GREM2: variants seen among roughly 807,000 people sequenced by gnomAD.
GREM2 encodes gremlin 2, DAN family BMP antagonist.
A neutral mutation model predicts 14.2 loss-of-function variants in GREM2; 11 were observed. The observed-to-expected ratio is 0.78, with a 90% CI of 0.49 to 1.28. The LOEUF is 1.28. Among genes scored for constraint, GREM2 ranks in the 50% most tolerant of loss-of-function variants. The pLI is 0.00. For missense variants in GREM2, 210 were observed against 218.5 expected (o/e 0.96, Z 0.24); for synonymous variants, 98 against 97.6 (o/e 1.00, Z -0.02).
intron 1 of GREM2, among the ~76,000 whole-genome samples, chr1:240,539,432 C>A (rs1678541343): frequency 6.6e-6 from 1 of 152,108 alleles, no homozygotes; most frequent in African/African-American, 2.4e-5. Context: ...GAGAGGGGAG[C>A]CACACATCTC....
chr1:240,593,796 C>T (rs1037231169), intron 1 of GREM2, among the ~76,000 whole-genome samples: 1 of 152,026 alleles, frequency 6.6e-6, no homozygotes, highest in African/African-American at 2.4e-5. Context: ...CCTAAAAGGG[C>T]TGACACGACC....
intron 1 of GREM2, among the ~76,000 whole-genome samples, chr1:240,547,513 AAAT>A (rs1454645061): frequency 0.015 from 1,381 of 90,632 alleles, 9 homozygotes; most frequent in East Asian, 0.047. Flanking sequence ...AAAAAAAAAA[AAAT>A]ATATATATAT....
In GREM2 at chr1:240,538,347, T is replaced by A. The variant is rs895311993; in HGVS notation, c.-1-44871A>T. On this transcript the variant is annotated intron_variant, in intron 1 of 1. Coordinates refer to ENST00000318160, the MANE Select transcript of GREM2 (RefSeq NM_022469.4). ...CCTTTCAGTAACCTGGGAAAAGGTT[T>A]AAAACACCATGGAATCATCCAGTGA... is the stretch of plus-strand genomic sequence containing the variant. Among the ~76,000 whole-genome samples the A allele has an allele frequency of 6.6e-5, 10 of 152,158 alleles. No individual in the cohort carries two copies. In the East Asian group the frequency reaches 1.7e-3, roughly 26 times the overall value.
At chr1:240,534,699 A>C (rs4323704) in intron 1 of GREM2, among the ~76,000 whole-genome samples, 2 of 82,040 alleles carry the variant, frequency 2.4e-5, no homozygotes, top group South Asian at 3.4e-4. Context: ...TCTCAAAAAA[A>C]AAAAAAAAAA....
At chr1:240,568,871 G>A (rs930712713) in intron 1 of GREM2, among the ~76,000 whole-genome samples, 4 of 151,954 alleles carry the variant, frequency 2.6e-5, no homozygotes, top group African/African-American at 9.7e-5. Flanking sequence ...CATATACTAG[G>A]AACAAACATT....
intron 1 of GREM2, among the ~76,000 whole-genome samples, chr1:240,608,861 G>A (rs1188031576): frequency 2.6e-5 from 4 of 152,110 alleles, no homozygotes; most frequent in Admixed American, 6.5e-5. Context: ...GCCATTTGGC[G>A]ACCGGAGTCT....
chr1:240,522,663 G>A (rs1200252253), intron 1 of GREM2, among the ~76,000 whole-genome samples: 2 of 152,108 alleles, frequency 1.3e-5, no homozygotes, highest in African/African-American at 4.8e-5. Context: ...AGTAATTTAG[G>A]TGACAATTTT....
At chr1:240,587,369 T>C (rs1355381791) in intron 1 of GREM2, among the ~76,000 whole-genome samples, 1 of 152,038 alleles carries the variant, frequency 6.6e-6, no homozygotes, top group Non-Finnish European at 1.5e-5. Context: ...TCACCCAGGC[T>C]GGAGGGCAGT....
intron 1 of GREM2, among the ~76,000 whole-genome samples, chr1:240,522,552 G>T (rs1271250285): frequency 6.6e-6 from 1 of 152,160 alleles, no homozygotes; most frequent in Non-Finnish European, 1.5e-5. Context: ...GAACGTCATT[G>T]TTGTCAGGAG....
intron 1 of GREM2, among the ~76,000 whole-genome samples, chr1:240,532,686 T>TAG (rs1348019121): frequency 7.8e-5 from 6 of 76,444 alleles, no homozygotes; most frequent in African/African-American, 1.1e-4. Context: ...GATAGATAGA[T>TAG]ATATGGCAAG....
chr1:240,605,564 T>A (rs1277777519), intron 1 of GREM2, among the ~76,000 whole-genome samples: 1 of 152,132 alleles, frequency 6.6e-6, no homozygotes, highest in East Asian at 1.9e-4. Context: ...ATCTAACCTC[T>A]GAAAACCACA....
intron 1 of GREM2, among the ~76,000 whole-genome samples, chr1:240,548,875 G>A (rs1238722339): frequency 6.6e-6 from 1 of 152,176 alleles, no homozygotes; most frequent in Non-Finnish European, 1.5e-5. Context: ...GGTCCATGTA[G>A]AAGCCTAGAA....
rs1401312905 is a variant in GREM2 at position 240,535,797 on chromosome 1, G to A, written c.-1-42321C>T. 2.5e-4 allele frequency among the ~76,000 whole-genome samples: 5 copies of A among 19,800 alleles called. 1 individual carries two copies. In the Middle Eastern group the frequency reaches 0.052, roughly 205 times the overall value. 13.0% of individuals were successfully genotyped at this position (19,800 alleles called of 152,430 possible). ...CTAGATGATAAAGGGAGACTCCATC[G>A]CAAAAAAAAAAAAAAGAAAGAAAAA... is the stretch of plus-strand genomic sequence containing the variant. On this transcript the variant is annotated intron_variant, in intron 1 of 1. Coordinates refer to ENST00000318160, the MANE Select transcript of GREM2 (RefSeq NM_022469.4).
rs1677567481 is a variant in GREM2 at position 240,501,470 on chromosome 1, G to A, written c.-1-7994C>T. Reference sequence around the variant, plus strand: ...ACTATCATTACTTACTTTGACTTCTGGACAGCAAATGCATCATTAGGGAAT... The same window carrying A: ...ACTATCATTACTTACTTTGACTTCTAGACAGCAAATGCATCATTAGGGAAT... On this transcript the variant is annotated intron_variant, in intron 1 of 1. Coordinates refer to ENST00000318160, the MANE Select transcript of GREM2 (RefSeq NM_022469.4). Among the ~76,000 whole-genome samples the A allele has an allele frequency of 2.0e-5, 3 of 152,134 alleles. 1 individual carries two copies. In the South Asian group the frequency reaches 6.2e-4, roughly 32 times the overall value.
intron 1 of GREM2, among the ~76,000 whole-genome samples, chr1:240,603,520 A>C (rs1018646004): frequency 6.6e-6 from 1 of 150,762 alleles, no homozygotes; most frequent in East Asian, 2.0e-4. Context: ...TCTCCCATCC[A>C]TCTCCCCCTC....
At chr1:240,566,881 T>C (rs558412677) in intron 1 of GREM2, among the ~76,000 whole-genome samples, 5 of 152,162 alleles carry the variant, frequency 3.3e-5, no homozygotes, top group Non-Finnish European at 7.4e-5. Context: ...GTATGAACCA[T>C]AGTGAAGAGA....
chr1:240,592,735 G>C (rs1338615776), intron 1 of GREM2, among the ~76,000 whole-genome samples: 1 of 152,148 alleles, frequency 6.6e-6, no homozygotes, highest in Admixed American at 6.6e-5. Flanking sequence ...TTACACATTG[G>C]TGTTACAGAG....
intron 1 of GREM2, among the ~76,000 whole-genome samples, chr1:240,557,058 T>C (rs943990588): frequency 3.3e-5 from 5 of 151,894 alleles, no homozygotes; most frequent in East Asian, 1.9e-4. Context: ...TAGTCACAGC[T>C]ACTCAGGAGG....
intron 1 of GREM2, among the ~76,000 whole-genome samples, chr1:240,496,083 C>T (rs12094843): frequency 0.034 from 5,134 of 152,036 alleles, 312 homozygotes; most frequent in African/African-American, 0.12. Context: ...ATTACAGGCG[C>T]GCGCCACCAG....
Sources: allele counts gnomAD v4.1 joint callset (sites outside exome capture counted in the v4.1 genomes callset), GRCh38; gene constraint gnomAD v4.1.1; transcripts MANE v1.5; gene names NCBI Gene and HGNC (gene_info 2026-07-23, HGNC 2026-07-21).